The following CHFR variants were observed in gnomAD, a reference collection of about 807,000 sequenced individuals.
CHFR encodes checkpoint with forkhead and ring finger domains.
CHFR carries 57 observed loss-of-function variants against 87.6 expected under a neutral mutation model. That is an observed-to-expected ratio of 0.65 (90% CI 0.53 to 0.81). The LOEUF (loss-of-function observed/expected upper bound fraction) is 0.81, where lower values mean the gene tolerates loss of function less well. CHFR is among the 30% of genes least tolerant of loss of function. The pLI, the probability that CHFR is intolerant of heterozygous loss-of-function variation, is 0.00. For missense variants in CHFR, 797 were observed against 865.8 expected (o/e 0.92, Z 1.00); for synonymous variants, 381 against 359.2 (o/e 1.06, Z -0.69).
intron 5 of CHFR, among the ~76,000 whole-genome samples, 190 bp from the exon 6 acceptor site, chr12:132,869,988 C>A (rs773562554): frequency 3.4e-4 from 52 of 152,148 alleles, no homozygotes; most frequent in Non-Finnish European, 6.2e-4. Context: ...GCAGGTGTAT[C>A]TCCTGAGGTC....
In CHFR at chr12:132,843,070, G is replaced by C. The variant is rs1194364986; in HGVS notation, c.1857C>G (p.Ser619=). ...PASELPVAVT[S]RPDCYWGRNC... is the part of the protein sequence containing the mutation. ...TACGGCCCCAGTAGCAGTCAGGACG[G>C]GATGTTACGGCCACTGGAAAAAGAG... The change falls in exon 17 of 18, where the codon TCC becomes TCG. Residue 619 remains serine, a synonymous_variant. Coordinates refer to ENST00000450056, the MANE Select transcript of CHFR (RefSeq NM_001161346.2). The C allele has an allele frequency of 6.2e-7, 1 of 1,613,314 alleles. No homozygotes were observed.
Position 132,859,072 on chromosome 12 carries a change from C to CGCAGTCGT in CHFR, c.899_906dup (p.Val303ThrfsTer4). 6.2e-7 allele frequency: 1 copy of CGCAGTCGT among 1,612,888 alleles called. No individual in the cohort carries two copies. Among genetic ancestry groups the CGCAGTCGT allele is most frequent in the Non-Finnish European group, 8.5e-7 (1 of 1,179,300 alleles). On this transcript the variant is annotated frameshift_variant, in exon 8 of 18. Coordinates refer to ENST00000450056, the MANE Select transcript of CHFR (RefSeq NM_001161346.2). LOFTEE classifies it high-confidence loss of function. ...CAAGGGTGAACACGGTCGCACCTCA[C>CGCAGTCGT]GCAGTCGTGCAGCAGGTCCTGGCAG...
chr12:132,882,706 GTTTTT>G (rs11287044), intron 2 of CHFR, among the ~76,000 whole-genome samples: 1 of 145,634 alleles, frequency 6.9e-6, no homozygotes. Flanking sequence ...AGAACATCAG[GTTTTT>G]TTTTTTTTCT....
At chr12:132,884,543 TC>T (rs1480448481) in intron 2 of CHFR, among the ~76,000 whole-genome samples, 2 of 152,144 alleles carry the variant, frequency 1.3e-5, no homozygotes, top group Admixed American at 1.3e-4. Context: ...TAAGTCCTAA[TC>T]CCCAATGTGA....
Position 132,859,107 on chromosome 12 carries a change from G to C in CHFR, c.872C>G (p.Thr291Arg). 1 of 1,614,108 alleles carries C rather than the reference G, an allele frequency of 6.2e-7. No homozygotes were observed. The highest frequency in any genetic ancestry group is 8.5e-7 in the Non-Finnish European group (1 of 1,179,984). The change falls in exon 8 of 18, where the codon ACA becomes AGA. Residue 291 changes from threonine (T) to arginine (R), a missense_variant. This residue lies in a region of CHFR where 597 missense variants were observed against 601.2 expected (regional missense o/e 0.99). Transcript: ENST00000450056. ...CAGCAGGTCCTGGCAGATGATGCATGTCAGCGTCTCCTCCATCTTGTCTGG... is the reference window on the plus strand; with the variant it reads ...CAGCAGGTCCTGGCAGATGATGCATCTCAGCGTCTCCTCCATCTTGTCTGG... The part of the protein sequence containing the change: ...GKPDKMEETL[T>R]CIICQDLLHD...
intron 4 of CHFR, chr12:132,871,956 C>A: frequency 3.6e-6 from 1 of 278,450 alleles, no homozygotes. Flanking sequence ...GCCTCCAGAC[C>A]CCTGGTCCTA....
At chr12:132,870,855 T>C in intron 4 of CHFR, 72 bp from the exon 5 acceptor site, 1 of 873,790 alleles carries the variant, frequency 1.1e-6, no homozygotes, top group Non-Finnish European at 1.9e-6. Flanking sequence ...TTCTCTTCTG[T>C]TCTCCAGTCC....
At chr12:132,867,908 T>C (rs1951382669) in intron 6 of CHFR, 1 of 151,482 alleles carries the variant, frequency 6.6e-6, no homozygotes, top group Non-Finnish European at 1.5e-5. Context: ...TCTATTAAAC[T>C]GGAAAAGCTA....
In CHFR at chr12:132,839,519, T is replaced by TC. The variant is rs1950674522; in HGVS notation, c.*2034dup. On this transcript the variant is annotated 3_prime_UTR_variant, in exon 18 of 18. Coordinates refer to ENST00000450056, the MANE Select transcript of CHFR (RefSeq NM_001161346.2). ...CTCGCCTCTGCACAAACTCAGGACC[T>TC]CCCCTCTCGGCCTCACCCCCGCACT... 7.3e-6 allele frequency: 1 copy of TC among 136,224 alleles called. No individual in the cohort carries two copies. The highest frequency in any genetic ancestry group is 3.2e-5 in the African/African-American group (1 of 30,908). 8.4% of individuals were successfully genotyped at this position (136,224 alleles called of 1,614,324 possible). A position where few individuals can be genotyped will look rare whatever the true frequency, so the allele number is the denominator to read the frequency against.
chr12:132,880,756 G>A (rs574501707), intron 2 of CHFR, among the ~76,000 whole-genome samples: 1 of 148,962 alleles, frequency 6.7e-6, no homozygotes, highest in South Asian at 2.1e-4. Flanking sequence ...CACAAGGTCA[G>A]GAGTTCAAGA....
chr12:132,857,880 C>CTCCTACGT (rs1296814285), intron 8 of CHFR, among the ~76,000 whole-genome samples: 2 of 152,252 alleles, frequency 1.3e-5, no homozygotes, highest in African/African-American at 4.8e-5. Flanking sequence ...TCCTCAGCGG[C>CTCCTACGT]TCCTACGTTC....
Position 132,841,571 on chromosome 12 carries a change from T to A in CHFR, c.1942A>T (p.Thr648Ser), listed in dbSNP as rs1288110354. The change falls in exon 18 of 18, where the codon ACA becomes TCA. Residue 648 changes from threonine (T) to serine (S), a missense_variant. Around this residue, in one of 2 missense-constraint regions of CHFR, gnomAD observed 200 missense variants for 264.6 expected, o/e 0.76. Transcript: ENST00000450056. ...CTGGATGCTTAGTTTTTGAACCTTG[T>A]CTGTTCACAGATATGATTGAATTTC... Reference protein sequence around the residue: ...AMKFNHICEQTRFKN With the variant: ...AMKFNHICEQSRFKN The A allele has an allele frequency of 6.2e-7, 1 of 1,613,880 alleles. No homozygotes were observed. Among genetic ancestry groups the A allele is most frequent in the South Asian group, 1.1e-5 (1 of 91,096 alleles).
chr12:132,840,798 G>A lies in CHFR; in HGVS notation c.*756C>T, dbSNP rs554677515. On this transcript the variant is annotated 3_prime_UTR_variant, in exon 18 of 18. Transcript: ENST00000450056. ...CCGCGGTCACTCACACAAGGGAGCA[G>A]CATGTCCTGGGACCTGCGTCCAGCC... 3.3e-5 allele frequency: 5 copies of A among 152,558 alleles called. No homozygotes were observed. The highest frequency in any genetic ancestry group is 2.1e-4 in the South Asian group (1 of 4,836). The allele number at this position is 152,558 out of a possible 1,614,324, so 9.5% of individuals were successfully genotyped here.
chr12:132,851,585 A>T, intron 12 of CHFR, 33 bp downstream of exon 12: 1 of 1,583,646 alleles, frequency 6.3e-7, no homozygotes, highest in Non-Finnish European at 8.6e-7. Flanking sequence ...GACAGATAGG[A>T]ACCCGCCTGC....
intron 8 of CHFR, among the ~76,000 whole-genome samples, chr12:132,858,195 T>A (rs528531341): frequency 1.3e-5 from 2 of 152,026 alleles, no homozygotes; most frequent in South Asian, 4.2e-4. Flanking sequence ...CCGTCTCTAC[T>A]AAAAATACAA....
chr12:132,848,806 C>A, intron 12 of CHFR, 82 bp from the exon 13 acceptor site: 1 of 1,044,210 alleles, frequency 9.6e-7, no homozygotes. Context: ...GGCTCAGGAG[C>A]TCAACTCTTT....
At chr12:132,847,195 A>C in intron 14 of CHFR, 65 bp from the exon 15 acceptor site, 2 of 1,600,046 alleles carry the variant, frequency 1.2e-6, no homozygotes, top group Non-Finnish European at 1.7e-6. Context: ...TGAAATAACG[A>C]GAGAAAACAT....
chr12:132,870,276 C>T (rs111895859), intron 5 of CHFR, among the ~76,000 whole-genome samples: 31,035 of 151,460 alleles, frequency 0.2, 3,351 homozygotes, highest in African/African-American at 0.27. Context: ...GGCATGAACC[C>T]GGGAGGTGGA....
chr12:132,877,618 G>C lies in CHFR; in HGVS notation c.170C>G (p.Ser57Cys). Residue 57 changes from serine (S) to cysteine (C), a missense_variant, in exon 3 of 18, where the codon TCT becomes TGT. Physicochemically the swap from Ser to Cys is moderately radical, Grantham distance 112. Around this residue, in one of 2 missense-constraint regions of CHFR, gnomAD observed 597 missense variants for 601.2 expected, o/e 0.99. Coordinates refer to ENST00000450056, the MANE Select transcript of CHFR (RefSeq NM_001161346.2). ...DLSFPSNKLV[S>C]GDHCRIVVDE... ...CACTACAATTCTACAGTGATCTCCA[G>C]AGACCAGTTTATTGCTGGGGAAGGA... 6.2e-7 allele frequency: 1 copy of C among 1,613,762 alleles called. No homozygotes were observed. Among genetic ancestry groups the C allele is most frequent in the Non-Finnish European group, 8.5e-7 (1 of 1,179,828 alleles).
Sources: allele counts gnomAD v4.1 joint callset (sites outside exome capture counted in the v4.1 genomes callset), GRCh38; gene constraint gnomAD v4.1.1; regional missense constraint gnomAD v4.1.1; transcripts MANE v1.5; gene names NCBI Gene and HGNC (gene_info 2026-07-23, HGNC 2026-07-21).